Variants in SLIT3 observed in about 807,000 individuals in gnomAD.
SLIT3 encodes the protein slit guidance ligand 3, also known as slit homolog 3 protein.
In SLIT3, 68 loss-of-function variants were observed where a neutral mutation model predicts 184.0. The ratio of observed to expected loss-of-function variants is 0.37; its 90% confidence interval spans 0.30 to 0.45. The LOEUF (loss-of-function observed/expected upper bound fraction) is 0.45. SLIT3 is among the 20% of genes least tolerant of loss of function. The pLI is 1.00. For synonymous variants in SLIT3, 831 were observed against 828.6 expected, an observed-to-expected ratio of 1.00 and a Z score of -0.05; for missense variants, 1,707 against 2,026.0, an observed-to-expected ratio of 0.84 and a Z score of 3.02.
chr5:169,056,558 G>A (rs539489745), intron 4 of SLIT3, among the ~76,000 whole-genome samples: 20 of 151,758 alleles, frequency 1.3e-4, no homozygotes, highest in African/African-American at 3.9e-4. Context: ...ATAATGGATC[G>A]TTGGCCACCT....
At chr5:168,673,681 C>T (rs188007025) in intron 32 of SLIT3, among the ~76,000 whole-genome samples, 78 of 152,306 alleles carry the variant, frequency 5.1e-4, no homozygotes, top group African/African-American at 1.8e-3. Flanking sequence ...AAGCACAGTG[C>T]AGTTGTCAAC....
At chr5:168,700,738 C>A in intron 26 of SLIT3, 59 bp from the exon 27 acceptor site, 1 of 1,167,778 alleles carries the variant, frequency 8.6e-7, no homozygotes, top group Non-Finnish European at 1.3e-6. Flanking sequence ...CTGCCATGGC[C>A]CAGGGGACTC....
intron 3 of SLIT3, among the ~76,000 whole-genome samples, chr5:169,229,263 C>T (rs1014683349): frequency 6.6e-6 from 1 of 151,706 alleles, no homozygotes; most frequent in African/African-American, 2.4e-5. Flanking sequence ...AAGAATAAAA[C>T]AAAACTAAAA....
At chr5:168,799,262 GC>G (rs1473319021) in intron 9 of SLIT3, among the ~76,000 whole-genome samples, 3 of 152,216 alleles carry the variant, frequency 2.0e-5, no homozygotes, top group African/African-American at 7.2e-5. Flanking sequence ...ACAAAAAGAA[GC>G]ATTTGCATCA....
At chr5:168,834,343 C>T (rs1038204843) in intron 6 of SLIT3, among the ~76,000 whole-genome samples, 2 of 151,990 alleles carry the variant, frequency 1.3e-5, no homozygotes, top group South Asian at 4.2e-4. Flanking sequence ...ATCACACTCC[C>T]AGGTTTGGAT....
intron 4 of SLIT3, among the ~76,000 whole-genome samples, chr5:168,977,408 CT>C (rs1294444188): frequency 6.6e-6 from 1 of 152,194 alleles, no homozygotes; most frequent in African/African-American, 2.4e-5. Flanking sequence ...TCTTCATCTT[CT>C]TTGGGTAAAA....
chr5:168,774,377 G>A lies in SLIT3; in HGVS notation c.1153C>T (p.Leu385Phe), dbSNP rs1194879858. 2.5e-6 allele frequency: 4 copies of A among 1,610,374 alleles called. No individual in the cohort carries two copies. The highest frequency in any genetic ancestry group is 1.7e-5 in the Admixed American group (1 of 59,302). The change falls in exon 13 of 36, where the codon CTC (leucine) becomes TTC (phenylalanine). Residue 385 changes from leucine (L) to phenylalanine (F), a missense_variant and splice_region_variant. Around this residue, in one of 3 missense-constraint regions of SLIT3, gnomAD observed 1,307 missense variants for 1,511.6 expected, o/e 0.86. Coordinates refer to ENST00000519560, the MANE Select transcript of SLIT3 (RefSeq NM_003062.4). Reference protein sequence around the residue: ...FDGLVSLQLLLLNANKINCLR... With the variant: ...FDGLVSLQLLFLNANKINCLR... ...CAGTTGATCTTGTTGGCATTGAGGA[G>A]GCTGCAAACAGAAGAGAGCCTGGTT...
At chr5:169,022,957 A>G (rs1017729391) in intron 4 of SLIT3, 1 of 152,134 alleles carries the variant, frequency 6.6e-6, no homozygotes, top group African/African-American at 2.4e-5. Context: ...ATAAGAAAAA[A>G]AATATATCAC....
intron 4 of SLIT3, among the ~76,000 whole-genome samples, chr5:168,978,760 G>A (rs1434430635): frequency 3.3e-5 from 5 of 152,176 alleles, no homozygotes; most frequent in African/African-American, 7.2e-5. Flanking sequence ...ATGAAACCCA[G>A]TCCCAGGTGA....
At chr5:168,844,338 T>G (rs1247236064) in intron 6 of SLIT3, among the ~76,000 whole-genome samples, 1 of 152,108 alleles carries the variant, frequency 6.6e-6, no homozygotes, top group East Asian at 1.9e-4. Flanking sequence ...AATTGAGACT[T>G]AATTAGCAGG....
intron 27 of SLIT3, among the ~76,000 whole-genome samples, chr5:168,697,880 C>T (rs1275455995): frequency 6.6e-6 from 1 of 152,182 alleles, no homozygotes; most frequent in Non-Finnish European, 1.5e-5. Context: ...TTTCTAAAGA[C>T]CAGTTACTTT....
intron 25 of SLIT3, chr5:168,710,030 T>C (rs1421096400): frequency 6.6e-6 from 1 of 152,208 alleles, no homozygotes; most frequent in Non-Finnish European, 1.5e-5. Context: ...CTCTGAGTCT[T>C]ATCTGAGGAC....
intron 3 of SLIT3, among the ~76,000 whole-genome samples, chr5:169,243,407 G>A (rs1467086168): frequency 1.3e-5 from 2 of 152,090 alleles, no homozygotes; most frequent in Non-Finnish European, 2.9e-5. Flanking sequence ...AAAAATAAAC[G>A]TGTAAACAGA....
intron 3 of SLIT3, among the ~76,000 whole-genome samples, chr5:169,221,189 C>T (rs928812670): frequency 6.6e-6 from 1 of 152,198 alleles, no homozygotes; most frequent in African/African-American, 2.4e-5. Context: ...CAAACTTAAG[C>T]TCTTTTAGAG....
At chr5:168,839,603 CT>C (rs1758173057) in intron 6 of SLIT3, among the ~76,000 whole-genome samples, 2 of 152,122 alleles carry the variant, frequency 1.3e-5, no homozygotes, top group African/African-American at 4.8e-5. Flanking sequence ...AAAATCTCAC[CT>C]ATGGGAGCAA....
At position 168,663,869 on chromosome 5, in the gene SLIT3, G is replaced by A. The variant is rs1760949417; in HGVS notation, c.*2585C>T. 1 of 152,174 alleles carries A rather than the reference G, an allele frequency of 6.6e-6. No individual in the cohort carries two copies. The highest frequency in any genetic ancestry group is 1.5e-5 in the Non-Finnish European group (1 of 68,064). 9.4% of individuals were successfully genotyped at this position (152,174 alleles called of 1,614,324 possible). Reference sequence around the variant, plus strand: ...TTGTATTGCCACTTAAGAGCTCCTTGTGTAATAAGGCAATTGTCCATTTTT... The same window carrying A: ...TTGTATTGCCACTTAAGAGCTCCTTATGTAATAAGGCAATTGTCCATTTTT... On this transcript the variant is annotated 3_prime_UTR_variant, in exon 36 of 36. Transcript: ENST00000519560.
chr5:168,848,840 C>G (rs549965200), intron 5 of SLIT3, among the ~76,000 whole-genome samples: 1 of 152,310 alleles, frequency 6.6e-6, no homozygotes, highest in South Asian at 2.1e-4. Flanking sequence ...CATTAGTAAG[C>G]ATAATATACT....
intron 3 of SLIT3, among the ~76,000 whole-genome samples, chr5:169,237,142 C>T (rs965531312): frequency 6.6e-6 from 1 of 152,214 alleles, no homozygotes; most frequent in Admixed American, 6.5e-5. Flanking sequence ...ATTTCCACAG[C>T]TTAGGTCAGC....
At chr5:169,243,313 A>G (rs1765466647) in intron 3 of SLIT3, among the ~76,000 whole-genome samples, 1 of 152,222 alleles carries the variant, frequency 6.6e-6, no homozygotes. Context: ...AATGCTGAAT[A>G]TTTCATACAA....
Sources: gnomAD v4.1 joint callset for allele counts (sites outside exome capture counted in the v4.1 genomes callset) on GRCh38, gnomAD v4.1.1 for gene constraint, gnomAD v4.1.1 regional missense constraint, MANE v1.5 for transcripts, NCBI Gene and HGNC (gene_info 2026-07-23, HGNC 2026-07-21) for gene names.